AFF1: variants seen among roughly 807,000 people sequenced by gnomAD.
AFF1 encodes the protein ALF transcription elongation factor 1, also known as AF4/FMR2 family member 1.
In AFF1, 48 loss-of-function variants were observed where a neutral mutation model predicts 121.7. The ratio of observed to expected loss-of-function variants is 0.39; its 90% CI spans 0.31 to 0.50. The LOEUF is 0.50. Among genes scored for constraint, AFF1 ranks in the 20% least tolerant of loss-of-function variants. The pLI is 0.76. For missense variants in AFF1, 1,523 were observed against 1,511.7 expected (o/e 1.01, Z -0.12); for synonymous variants, 613 against 563.0 (o/e 1.09, Z -1.26).
chr4:87,042,028 A>G (rs922996380), intron 2 of AFF1, among the ~76,000 whole-genome samples: 1 of 151,204 alleles, frequency 6.6e-6, no homozygotes, highest in Non-Finnish European at 1.5e-5. Flanking sequence ...AAAAAAAAAA[A>G]GTTGCTACAG....
intron 20 of AFF1, among the ~76,000 whole-genome samples, chr4:87,135,229 A>G (rs1413185078): frequency 6.6e-6 from 1 of 152,236 alleles, no homozygotes; most frequent in Admixed American, 6.5e-5. Context: ...GGCTGTAACT[A>G]CTTACTTTCG....
intron 2 of AFF1, among the ~76,000 whole-genome samples, chr4:87,026,501 G>A (rs573586393): frequency 2.0e-5 from 3 of 152,166 alleles, no homozygotes; most frequent in Admixed American, 6.5e-5. Context: ...CAACAAAGTC[G>A]TGGCAGGAGA....
intron 2 of AFF1, among the ~76,000 whole-genome samples, chr4:86,952,105 GT>G (rs1383101891): frequency 6.6e-6 from 1 of 152,004 alleles, no homozygotes; most frequent in African/African-American, 2.4e-5. Context: ...TTGTTTCACT[GT>G]ATCTTTATAT....
At chr4:86,941,516 G>A (rs923612243) in intron 1 of AFF1, among the ~76,000 whole-genome samples, 5 of 152,072 alleles carry the variant, frequency 3.3e-5, no homozygotes, top group South Asian at 2.1e-4. Context: ...AAAATTAGCC[G>A]GCGTGGTAGC....
At chr4:86,978,177 C>CTTGTTTTTTTTTTTTTTTTTTTT (rs1723451642) in intron 2 of AFF1, among the ~76,000 whole-genome samples, 1 of 39,324 alleles carries the variant, frequency 2.5e-5, no homozygotes, top group Non-Finnish European at 4.6e-5. Flanking sequence ...ATTACATTCA[C>CTTGTTTTTTTTTTTTTTTTTTTT]TTTTTTTTTT....
chr4:87,053,981 C>G (rs1300237961), intron 4 of AFF1, among the ~76,000 whole-genome samples: 3 of 152,226 alleles, frequency 2.0e-5, no homozygotes, highest in Non-Finnish European at 4.4e-5. Context: ...GGGGCTTAAG[C>G]AGTGTCAGTA....
chr4:86,949,937 C>G, intron 2 of AFF1: 1 of 1,614,066 alleles, frequency 6.2e-7, no homozygotes, highest in Non-Finnish European at 8.5e-7. Flanking sequence ...CCCAGCGGGC[C>G]GCAGGTCCCG....
At chr4:87,069,808 C>G (rs1051304704) in intron 4 of AFF1, among the ~76,000 whole-genome samples, 12 of 148,382 alleles carry the variant, frequency 8.1e-5, no homozygotes, top group Non-Finnish European at 1.8e-4. Context: ...TATTCCTTAT[C>G]ACTCAGGATT....
At chr4:87,094,697 C>T (rs1331850082) in intron 7 of AFF1, among the ~76,000 whole-genome samples, 1 of 152,190 alleles carries the variant, frequency 6.6e-6, no homozygotes, top group Non-Finnish European at 1.5e-5. Context: ...GGGTATGCTG[C>T]AAGCAATGAT....
At chr4:87,027,338 A>AT (rs1442864381) in intron 2 of AFF1, among the ~76,000 whole-genome samples, 2 of 152,250 alleles carry the variant, frequency 1.3e-5, no homozygotes, top group African/African-American at 4.8e-5. Flanking sequence ...ACGGATACAC[A>AT]TGTAACATGC....
chr4:87,022,652 GTATA>G (rs1213301835), intron 2 of AFF1, among the ~76,000 whole-genome samples: 1 of 98,802 alleles, frequency 1.0e-5, no homozygotes, highest in African/African-American at 3.1e-5. Flanking sequence ...ATATGTGTGT[GTATA>G]TATATGTGTG....
intron 2 of AFF1, among the ~76,000 whole-genome samples, chr4:86,981,949 T>C (rs1417708298): frequency 6.6e-6 from 1 of 152,194 alleles, no homozygotes; most frequent in East Asian, 1.9e-4. Context: ...AATAAACCCA[T>C]GTGATATTTT....
intron 2 of AFF1, among the ~76,000 whole-genome samples, chr4:87,014,332 T>C (rs1727097686): frequency 6.6e-6 from 1 of 152,230 alleles, no homozygotes; most frequent in East Asian, 1.9e-4. Flanking sequence ...GTTGTTTTTG[T>C]TCCCAGGGAA....
rs749844678 is a variant in AFF1, at chr4:87,126,296, G to T, written c.2771G>T (p.Arg924Ile). The change falls in exon 14 of 21, where the codon AGA (arginine) becomes ATA (isoleucine). Residue 924 changes from arginine (R) to isoleucine (I), a missense_variant. Transcript: ENST00000395146. ...HKDSSIPKQR[R>I]VEGKGSRSSS... is the part of the protein sequence containing the mutation. ...GACTCTTCCATTCCCAAGCAGAGAAGAGTAGAGGGGAAGGGCTCCAGAAGC... is the reference window on the plus strand; with the variant it reads ...GACTCTTCCATTCCCAAGCAGAGAATAGTAGAGGGGAAGGGCTCCAGAAGC... 7 of 1,614,012 alleles carry T rather than the reference G, an allele frequency of 4.3e-6. No homozygotes were observed. The highest frequency in any genetic ancestry group is 3.3e-5 in the South Asian group (3 of 91,080).
intron 2 of AFF1, among the ~76,000 whole-genome samples, chr4:86,954,965 A>C (rs1201745536): frequency 6.6e-6 from 1 of 152,100 alleles, no homozygotes; most frequent in Non-Finnish European, 1.5e-5. Flanking sequence ...TATATTACTT[A>C]TGTAATCACT....
intron 12 of AFF1, among the ~76,000 whole-genome samples, chr4:87,120,465 C>T (rs1727569677): frequency 6.6e-6 from 1 of 152,172 alleles, no homozygotes; most frequent in African/African-American, 2.4e-5. Context: ...TAGATGAGAT[C>T]CAAAAAGGCA....
rs1365123312 is a variant in AFF1, at chr4:87,131,839, C to T, written c.3148C>T (p.Gln1050Ter). ...KSFSDATAPTQEKIFAVLCMR... is the reference protein window; with the variant it reads ...KSFSDATAPT Reference sequence around the variant, plus strand: ...CTTCTCAGATGCCACAGCGCCAACACAAGAGAAAATATTTGCTGTTTTATG... The same window carrying T: ...CTTCTCAGATGCCACAGCGCCAACATAAGAGAAAATATTTGCTGTTTTATG... Residue 1050 changes from glutamine to a stop codon, truncating the protein, a stop_gained, in exon 18 of 21, where the codon CAA becomes TAA. Transcript: ENST00000395146. LOFTEE classifies it high-confidence loss of function. 6.3e-7 allele frequency: 1 copy of T among 1,589,562 alleles called. No homozygotes were observed. The highest frequency in any genetic ancestry group is 8.5e-7 in the Non-Finnish European group (1 of 1,173,452).
chr4:87,096,483 C>T (rs1724882334), intron 8 of AFF1, among the ~76,000 whole-genome samples: 1 of 149,780 alleles, frequency 6.7e-6, no homozygotes, highest in Admixed American at 6.6e-5. Context: ...TCTCCTGCCT[C>T]AGCCTCCCAA....
intron 2 of AFF1, among the ~76,000 whole-genome samples, chr4:86,959,507 TCCCAA>T (rs1721995394): frequency 1.4e-5 from 2 of 145,984 alleles, no homozygotes. Flanking sequence ...TTTTTTTTTT[TCCCAA>T]TGTGAGAGAC....
Sources: gnomAD v4.1 joint callset for allele counts (sites outside exome capture counted in the v4.1 genomes callset) on GRCh38, gnomAD v4.1.1 for gene constraint, MANE v1.5 for transcripts, NCBI Gene and HGNC (gene_info 2026-07-23, HGNC 2026-07-21) for gene names.